Variants in LIPA observed in about 807,000 individuals in gnomAD.
LIPA encodes the protein lysosomal acid lipase/cholesteryl ester hydrolase.
LIPA carries 26 observed loss-of-function variants against 40.6 expected under a neutral mutation model. The observed-to-expected ratio is 0.64, with a 90% confidence interval of 0.47 to 0.89. The LOEUF is 0.89. Ranked by LOEUF, LIPA falls within the 40% of genes least tolerant of loss-of-function variation. The pLI is 0.00. For missense variants in LIPA, 455 were observed against 479.6 expected (o/e 0.95, Z 0.48); for synonymous variants, 188 against 168.4 (o/e 1.12, Z -0.90).
intron 1 of LIPA, among the ~76,000 whole-genome samples, chr10:89,270,753 C>A (rs1026514173): frequency 6.6e-6 from 1 of 152,186 alleles, no homozygotes. Flanking sequence ...TGTTATACGA[C>A]CCAACAGATC....
At chr10:89,262,264 C>T (rs1268592292) in intron 1 of LIPA, among the ~76,000 whole-genome samples, 1 of 151,992 alleles carries the variant, frequency 6.6e-6, no homozygotes, top group Non-Finnish European at 1.5e-5. Context: ...CTGACAGTGG[C>T]AAGCTACTAT....
At chr10:89,306,052 T>C (rs570699214) in intron 1 of LIPA, 9 of 1,614,150 alleles carry the variant, frequency 5.6e-6, no homozygotes, top group African/African-American at 1.3e-5. Flanking sequence ...ACTCCTTGGA[T>C]GATTTTGAAG....
At chr10:89,291,523 T>C (rs1306163269) in intron 1 of LIPA, among the ~76,000 whole-genome samples, 1 of 152,192 alleles carries the variant, frequency 6.6e-6, no homozygotes, top group African/African-American at 2.4e-5. Context: ...ATGATACACA[T>C]GAGTTATATA....
At chr10:89,381,329 A>ACTATTTTC in intron 2 of LIPA, among the ~76,000 whole-genome samples, 1 of 152,106 alleles carries the variant, frequency 6.6e-6, no homozygotes, top group South Asian at 2.1e-4. Context: ...AGGGGTGGTG[A>ACTATTTTC]CTATTTTCAG....
intron 2 of LIPA, among the ~76,000 whole-genome samples, chr10:89,395,404 T>C (rs540733052): frequency 1.3e-5 from 2 of 152,328 alleles, no homozygotes; most frequent in East Asian, 1.9e-4. Context: ...CCCTTTCCCA[T>C]TGGCCCTGCA....
intron 2 of LIPA, among the ~76,000 whole-genome samples, chr10:89,376,648 C>T (rs943961610): frequency 2.0e-5 from 3 of 152,196 alleles, no homozygotes; most frequent in Non-Finnish European, 4.4e-5. Flanking sequence ...GACAAAAATA[C>T]GAATATTTTC....
At chr10:89,252,208 G>A (rs190719362), upstream of LIPA, 1 of 152,206 alleles carries the variant, frequency 6.6e-6, no homozygotes, top group Non-Finnish European at 1.5e-5. Flanking sequence ...TTATCATTGT[G>A]CCTGATGCAA....
At chr10:89,246,271 G>T (rs1843023991) in intron 2 of LIPA, among the ~76,000 whole-genome samples, 1 of 152,142 alleles carries the variant, frequency 6.6e-6, no homozygotes, top group Non-Finnish European at 1.5e-5. Flanking sequence ...AAGGTGGGAT[G>T]GAAGAAAAGT....
chr10:89,338,929 A>G, intron 1 of LIPA: 1 of 1,614,228 alleles, frequency 6.2e-7, no homozygotes, highest in South Asian at 1.1e-5. Context: ...AGCAGAAATC[A>G]GAAGTCTAGT....
chr10:89,257,418 C>CTA (rs1263891555), intron 1 of LIPA, among the ~76,000 whole-genome samples: 20 of 152,230 alleles, frequency 1.3e-4, no homozygotes, highest in African/African-American at 4.8e-4. Flanking sequence ...CACTTTATAT[C>CTA]ATAAGCCAGA....
intron 2 of LIPA, chr10:89,402,616 C>G: frequency 6.2e-7 from 1 of 1,614,184 alleles, no homozygotes; most frequent in Non-Finnish European, 8.5e-7. Flanking sequence ...CTGGCAGAAG[C>G]CCAGACTTAC....
intron 1 of LIPA, among the ~76,000 whole-genome samples, chr10:89,309,931 C>T (rs1843506358): frequency 6.6e-6 from 1 of 152,172 alleles, no homozygotes; most frequent in South Asian, 2.1e-4. Flanking sequence ...CGGCAAGCCC[C>T]TAGTAGATGT....
chr10:89,230,786 C>T (rs1278628937), intron 3 of LIPA, among the ~76,000 whole-genome samples: 2 of 152,156 alleles, frequency 1.3e-5, no homozygotes, highest in African/African-American at 4.8e-5. Flanking sequence ...AAGTAGGTAG[C>T]AAAGAGTCTG....
At chr10:89,329,440 T>C (rs994738760) in intron 1 of LIPA, among the ~76,000 whole-genome samples, 7 of 152,280 alleles carry the variant, frequency 4.6e-5, no homozygotes, top group Middle Eastern at 3.4e-3. Context: ...GGTGTGTCTA[T>C]AGCCACTGAC....
At chr10:89,307,532 C>G in intron 1 of LIPA, 1 of 632,202 alleles carries the variant, frequency 1.6e-6, no homozygotes, top group East Asian at 2.8e-5. Flanking sequence ...ACCTGAATTG[C>G]TGGGTCTTGA....
At chr10:89,364,448 AAG>A (rs1844044261) in intron 2 of LIPA, among the ~76,000 whole-genome samples, 1 of 152,152 alleles carries the variant, frequency 6.6e-6, no homozygotes, top group Admixed American at 6.5e-5. Flanking sequence ...CATGGGCAGA[AAG>A]AGAGAAAAGA....
At chr10:89,222,212 G>T (rs1248234207) in intron 8 of LIPA, among the ~76,000 whole-genome samples, 6 of 152,176 alleles carry the variant, frequency 3.9e-5, no homozygotes, top group Admixed American at 3.9e-4. Context: ...AGGAGGAAAA[G>T]AAAGCTGGGG....
At chr10:89,241,223 C>T (rs1261970727) in intron 3 of LIPA, among the ~76,000 whole-genome samples, 1 of 152,118 alleles carries the variant, frequency 6.6e-6, no homozygotes, top group Non-Finnish European at 1.5e-5. Context: ...GCTCTGATCC[C>T]AACCTGGGTC....
intron 2 of LIPA, chr10:89,383,318 G>A (rs780355027): frequency 6.2e-7 from 1 of 1,607,012 alleles, no homozygotes; most frequent in South Asian, 1.1e-5. Flanking sequence ...TATTTTTACA[G>A]TGAAGAATCT....
Sources: gnomAD v4.1 joint callset for allele counts (sites outside exome capture counted in the v4.1 genomes callset) on GRCh38, gnomAD v4.1.1 for gene constraint, MANE v1.5 for transcripts, NCBI Gene and HGNC (gene_info 2026-07-23, HGNC 2026-07-21) for gene names.